Variants in CHIA observed in about 807,000 individuals in gnomAD.
The protein encoded by CHIA is acidic mammalian chitinase.
A neutral mutation model predicts 53.5 loss-of-function variants in CHIA; 47 were observed. The ratio of observed to expected loss-of-function variants is 0.88; its 90% CI spans 0.70 to 1.12. CHIA has a LOEUF of 1.12. CHIA is among the 50% of genes most tolerant of loss of function. CHIA has a pLI of 0.00. For synonymous variants in CHIA, 268 were observed against 222.2 expected (o/e 1.21, Z -1.83); for missense variants, 652 against 592.2 (o/e 1.10, Z -1.05).
chr1:111,291,834 G>GT (rs973350974), intron 1 of CHIA, among the ~76,000 whole-genome samples: 52 of 151,052 alleles, frequency 3.4e-4, no homozygotes, highest in African/African-American at 2.4e-5. Context: ...GCCTGTCGGG[G>GT]GGGGGTGGGG....
chr1:111,295,416 A>G (rs1661279100), intron 1 of CHIA, among the ~76,000 whole-genome samples: 1 of 152,102 alleles, frequency 6.6e-6, no homozygotes, highest in Non-Finnish European at 1.5e-5. Context: ...TCTTTTCATG[A>G]TTTAGCTTTG....
At chr1:111,319,608 C>G in intron 11 of CHIA, 140 bp downstream of exon 11, 1 of 785,480 alleles carries the variant, frequency 1.3e-6, no homozygotes, top group Non-Finnish European at 2.0e-6. Flanking sequence ...AGATGAGAGA[C>G]AGGTTTTACC....
At position 111,312,405 on chromosome 1, in the gene CHIA, G is replaced by C. The variant is rs1249172172; in HGVS notation, c.257+14G>C. ...CCTGAAAAATAAGTAGGATGAGGGAGATATTTAATTTGGCATCCCCTTTTT... is the reference window on the plus strand; with the variant it reads ...CCTGAAAAATAAGTAGGATGAGGGACATATTTAATTTGGCATCCCCTTTTT... On this transcript the variant is annotated intron_variant, in intron 4 of 11. Transcript: ENST00000369740. 1 of 1,602,366 alleles carries C rather than the reference G, an allele frequency of 6.2e-7. No individual in the cohort carries two copies. The highest frequency in any genetic ancestry group is 8.6e-7 in the Non-Finnish European group (1 of 1,169,452).
chr1:111,319,871 A>AT (rs751898677), intron 11 of CHIA, among the ~76,000 whole-genome samples: 1 of 152,096 alleles, frequency 6.6e-6, no homozygotes, highest in Admixed American at 6.5e-5. Context: ...AATTCTCTAA[A>AT]TTTTTTCCAG....
intron 1 of CHIA, among the ~76,000 whole-genome samples, chr1:111,300,609 G>T (rs933792841): frequency 1.3e-5 from 2 of 152,106 alleles, no homozygotes. Context: ...GTAAATATTA[G>T]ACTTAAAACC....
At chr1:111,319,898 A>G (rs1232673794) in intron 11 of CHIA, among the ~76,000 whole-genome samples, 1 of 152,172 alleles carries the variant, frequency 6.6e-6, no homozygotes, top group Non-Finnish European at 1.5e-5. Context: ...CCTAGAATTT[A>G]TTTGTTCACC....
Position 111,319,433 on chromosome 1 carries a change from C to T in CHIA, c.1142C>T (p.Ser381Phe), listed in dbSNP as rs578164623. 1 of 1,614,110 alleles carries T rather than the reference C, an allele frequency of 6.2e-7. No homozygotes were observed. The highest frequency in any genetic ancestry group is 1.1e-5 in the South Asian group (1 of 91,078). The change falls in exon 11 of 12, where the codon TCC (serine) becomes TTC (phenylalanine). Residue 381 changes from serine to phenylalanine, a missense_variant. Ser to Phe is a radical substitution (Grantham distance 155). Coordinates refer to ENST00000369740, the MANE Select transcript of CHIA (RefSeq NM_201653.4). ...FCNQGKFPLI[S>F]TLKKALGLQS... Reference sequence around the variant, plus strand: ...AACCAGGGCAAGTTTCCCCTAATCTCCACCCTGAAGAAGGCCCTCGGCCTG... The same window carrying T: ...AACCAGGGCAAGTTTCCCCTAATCTTCACCCTGAAGAAGGCCCTCGGCCTG...
intron 1 of CHIA, among the ~76,000 whole-genome samples, chr1:111,294,710 GT>G (rs1661235435): frequency 6.6e-6 from 1 of 152,188 alleles, no homozygotes; most frequent in Admixed American, 6.5e-5. Context: ...TATTGAGGTA[GT>G]TTGCTTCTAT....
intron 1 of CHIA, among the ~76,000 whole-genome samples, chr1:111,299,983 CACT>C (rs1303693687): frequency 5.3e-5 from 8 of 152,046 alleles, no homozygotes; most frequent in African/African-American, 1.7e-4. Context: ...TATGTACAAT[CACT>C]ACAAAGAGAA....
chr1:111,319,421 T>C lies in CHIA; in HGVS notation c.1130T>C (p.Phe377Ser). The C allele has an allele frequency of 6.2e-7, 1 of 1,614,158 alleles. No individual in the cohort carries two copies. The change falls in exon 11 of 12, where the codon TTT becomes TCT. Residue 377 changes from phenylalanine (F) to serine (S), a missense_variant. Phe to Ser is a radical substitution (Grantham distance 155). Coordinates refer to ENST00000369740, the MANE Select transcript of CHIA (RefSeq NM_201653.4). The part of the protein sequence containing the change: ...FTGTFCNQGK[F>S]PLISTLKKAL... ...GGCACTTTCTGCAACCAGGGCAAGT[T>C]TCCCCTAATCTCCACCCTGAAGAAG...
intron 1 of CHIA, among the ~76,000 whole-genome samples, chr1:111,304,897 T>G (rs1013618308): frequency 1.2e-4 from 18 of 151,988 alleles, no homozygotes; most frequent in Admixed American, 1.1e-3. Flanking sequence ...TTGCTGGGGG[T>G]TTTTTGTTAC....
intron 1 of CHIA, among the ~76,000 whole-genome samples, chr1:111,291,837 G>T (rs11576622): frequency 7.3e-5 from 11 of 150,668 alleles, no homozygotes; most frequent in South Asian, 6.3e-4. Context: ...TGTCGGGGGG[G>T]GGTGGGGGTA....
At chr1:111,309,550 A>G (rs1022840794) in intron 1 of CHIA, among the ~76,000 whole-genome samples, 9 of 152,354 alleles carry the variant, frequency 5.9e-5, no homozygotes, top group African/African-American at 2.2e-4. Flanking sequence ...ATAAGGAGAC[A>G]CTGCAGGCAA....
Position 111,314,524 on chromosome 1 carries a change from A to G in CHIA, c.258-16A>G. 6.3e-7 allele frequency: 1 copy of G among 1,579,288 alleles called. No individual in the cohort carries two copies. Among genetic ancestry groups the G allele is most frequent in the Non-Finnish European group, 8.7e-7 (1 of 1,148,496 alleles). ...TGACTTTTGAAGTTTATCTGTTTCT[A>G]TCCTTTGTTTTACAGGAACAGCCAG... On this transcript the variant is annotated splice_polypyrimidine_tract_variant and intron_variant, in intron 4 of 11. Coordinates refer to ENST00000369740, the MANE Select transcript of CHIA (RefSeq NM_201653.4).
At chr1:111,313,246 G>A (rs749191145) in intron 4 of CHIA, among the ~76,000 whole-genome samples, 6 of 152,126 alleles carry the variant, frequency 3.9e-5, no homozygotes, top group African/African-American at 7.2e-5. Context: ...TCCATAATGG[G>A]TATACTAATG....
At chr1:111,308,672 A>G (rs952339163) in intron 1 of CHIA, among the ~76,000 whole-genome samples, 4 of 152,178 alleles carry the variant, frequency 2.6e-5, no homozygotes, top group Non-Finnish European at 5.9e-5. Context: ...GGTGTCATAC[A>G]ACAATATGCT....
chr1:111,305,101 T>C (rs1194010335), intron 1 of CHIA, among the ~76,000 whole-genome samples: 2 of 152,212 alleles, frequency 1.3e-5, no homozygotes, highest in Non-Finnish European at 2.9e-5. Flanking sequence ...AAGGTATCTC[T>C]GTGCTGAGAA....
intron 1 of CHIA, among the ~76,000 whole-genome samples, chr1:111,302,719 G>A (rs140853177): frequency 7.6e-4 from 115 of 152,200 alleles, no homozygotes; most frequent in African/African-American, 2.6e-3. Context: ...GAATGTAAAT[G>A]CTGTTTTTGT....
intron 7 of CHIA, 43 bp downstream of exon 7, chr1:111,317,848 C>CG (rs1557748700): frequency 6.2e-7 from 1 of 1,612,998 alleles, no homozygotes; most frequent in Non-Finnish European, 8.5e-7. Context: ...AGGTGTCACT[C>CG]GGGCACACTA....
Sources: allele counts gnomAD v4.1 joint callset (sites outside exome capture counted in the v4.1 genomes callset), GRCh38; gene constraint gnomAD v4.1.1; transcripts MANE v1.5; gene names NCBI Gene and HGNC (gene_info 2026-07-23, HGNC 2026-07-21).